Variants in PBX4 observed in about 807,000 individuals in gnomAD.
The protein encoded by PBX4 is PBX homeobox 4.
A neutral mutation model predicts 35.1 loss-of-function variants in PBX4; 26 were observed. The ratio of observed to expected loss-of-function variants is 0.74; its 90% CI spans 0.54 to 1.03. The LOEUF (loss-of-function observed/expected upper bound fraction) is 1.03, where lower values mean the gene tolerates loss of function less well. Ranked by LOEUF, PBX4 falls within the 50% of genes least tolerant of loss-of-function variation. The probability of loss-of-function intolerance (pLI) is 0.00; values close to 1 mark genes in which losing one functional copy is unlikely to be tolerated. For synonymous variants in PBX4, 199 were observed against 204.2 expected (o/e 0.97, Z 0.22); for missense variants, 448 against 504.3 (o/e 0.89, Z 1.07).
rs372535392 is a variant in PBX4, at chr19:19,570,130, C to T, written c.611G>A (p.Arg204His). 3.6e-5 allele frequency: 58 copies of T among 1,608,766 alleles called. No individual in the cohort carries two copies. Among genetic ancestry groups the T allele is most frequent in the African/African-American group, 5.3e-5 (4 of 74,834 alleles). Residue 204 changes from arginine (R) to histidine (H), a missense_variant, in exon 4 of 8, where the codon CGT (arginine) becomes CAT (histidine). Coordinates refer to ENST00000251203, the MANE Select transcript of PBX4 (RefSeq NM_025245.3). ...TGACCTGGCATCGAGCAGCCGCGAA[C>T]GCAGGGTCATCACTGCCTCACAGGT... is the stretch of plus-strand genomic sequence containing the variant. ...QSTCEAVMTL[R>H]SRLLDARRKR...
At chr19:19,575,407 T>A (rs1600406759) in intron 2 of PBX4, among the ~76,000 whole-genome samples, 1 of 152,086 alleles carries the variant, frequency 6.6e-6, no homozygotes, top group Non-Finnish European at 1.5e-5. Context: ...GACAGCCAGG[T>A]AAAGGCCGCT....
chr19:19,576,061 C>A (rs956063528), intron 2 of PBX4, among the ~76,000 whole-genome samples: 2 of 151,742 alleles, frequency 1.3e-5, no homozygotes, highest in Non-Finnish European at 2.9e-5. Flanking sequence ...TGCAGGGCTG[C>A]CGCAGAATAT....
chr19:19,588,407 G>A (rs2061504227), intron 2 of PBX4: 7 of 1,340,590 alleles, frequency 5.2e-6, no homozygotes, highest in Non-Finnish European at 6.4e-6. Flanking sequence ...TCAGGATGAT[G>A]TTTAGCCATA....
At chr19:19,609,548 T>TA (rs2061651066) in intron 1 of PBX4, among the ~76,000 whole-genome samples, 6 of 54,384 alleles carry the variant, frequency 1.1e-4, no homozygotes, top group South Asian at 5.8e-4. Flanking sequence ...AAAATCCATA[T>TA]GAAAAAAAAA....
At chr19:19,573,950 G>A (rs12977565) in intron 2 of PBX4, among the ~76,000 whole-genome samples, 61 of 152,198 alleles carry the variant, frequency 4.0e-4, no homozygotes, top group Non-Finnish European at 7.6e-4. Context: ...GGCTAATCTC[G>A]AATTCCTGAC....
intron 2 of PBX4, among the ~76,000 whole-genome samples, chr19:19,578,509 G>A (rs2061434685): frequency 6.6e-6 from 1 of 152,148 alleles, no homozygotes; most frequent in Non-Finnish European, 1.5e-5. Context: ...GCCCTTGACT[G>A]GCAGGCAGGG....
intron 1 of PBX4, among the ~76,000 whole-genome samples, chr19:19,610,702 C>T (rs909519383): frequency 1.3e-5 from 2 of 152,014 alleles, no homozygotes; most frequent in African/African-American, 4.8e-5. Context: ...TTGCAGTGAG[C>T]CGAGATTACG....
chr19:19,573,682 A>C (rs2061401293), intron 2 of PBX4, among the ~76,000 whole-genome samples: 2 of 152,170 alleles, frequency 1.3e-5, no homozygotes, highest in South Asian at 4.1e-4. Context: ...TGGTTAAGTA[A>C]ATTATGATAG....
At chr19:19,614,224 T>C (rs1283387308) in intron 1 of PBX4, among the ~76,000 whole-genome samples, 1 of 151,816 alleles carries the variant, frequency 6.6e-6, no homozygotes, top group Non-Finnish European at 1.5e-5. Context: ...CCCAGCTACT[T>C]GGGAGACTGA....
chr19:19,569,353 T>TTTTAACAAA, intron 5 of PBX4, 96 bp downstream of exon 5: 5 of 1,472,814 alleles, frequency 3.4e-6, no homozygotes, highest in Non-Finnish European at 4.5e-6. Flanking sequence ...ATGCCTGGCC[T>TTTTAACAAA]CTGCACACAT....
chr19:19,564,167 A>C (rs2061326632), intron 6 of PBX4, among the ~76,000 whole-genome samples: 1 of 114,618 alleles, frequency 8.7e-6, no homozygotes, highest in African/African-American at 3.5e-5. Context: ...AACAGTCCCC[A>C]GAGTGTGATA....
At chr19:19,588,048 G>A in intron 2 of PBX4, 1 of 652,156 alleles carries the variant, frequency 1.5e-6, no homozygotes, top group Admixed American at 2.2e-5. Flanking sequence ...AGCTGCAGCA[G>A]CTTGATGTGG....
In PBX4 at chr19:19,618,687, T is replaced by C; in HGVS notation, c.-58A>G. The C allele has an allele frequency of 1.7e-6, 2 of 1,173,532 alleles. No individual in the cohort carries two copies. The highest frequency in any genetic ancestry group is 4.2e-5 in the South Asian group (1 of 23,864). The allele number at this position is 1,173,532 out of a possible 1,614,324, so 72.7% of individuals were successfully genotyped here. On this transcript the variant is annotated 5_prime_UTR_variant, in exon 1 of 8. Transcript: ENST00000251203. ...GCCGTCGAGCCTGGAGCACTACCAC[T>C]GGCGCCGCAGCCAACCGCCGCTGCC...
intron 1 of PBX4, among the ~76,000 whole-genome samples, chr19:19,613,340 C>T (rs902057253): frequency 1.5e-4 from 22 of 150,428 alleles, no homozygotes; most frequent in Non-Finnish European, 2.5e-4. Context: ...TGGTGGCAGG[C>T]GCCTGTAATC....
chr19:19,585,662 G>A (rs554347699), intron 2 of PBX4, among the ~76,000 whole-genome samples: 8 of 152,328 alleles, frequency 5.3e-5, no homozygotes, highest in Admixed American at 2.0e-4. Flanking sequence ...CTTAACTGAT[G>A]ACATTCCACC....
At chr19:19,575,348 T>A (rs1313565176) in intron 2 of PBX4, among the ~76,000 whole-genome samples, 1 of 151,454 alleles carries the variant, frequency 6.6e-6, no homozygotes, top group Non-Finnish European at 1.5e-5. Flanking sequence ...GTGCCTACAA[T>A]CTGGGCCTTA....
intron 2 of PBX4, among the ~76,000 whole-genome samples, chr19:19,576,990 G>A (rs1052800772): frequency 6.6e-6 from 1 of 152,114 alleles, no homozygotes; most frequent in African/African-American, 2.4e-5. Context: ...TACAGTGAGA[G>A]GCTGAGGCGG....
intron 2 of PBX4, among the ~76,000 whole-genome samples, chr19:19,580,847 C>T (rs2061449529): frequency 6.6e-6 from 1 of 152,248 alleles, no homozygotes; most frequent in Non-Finnish European, 1.5e-5. Context: ...ATCCTCCCGC[C>T]TCAGCCTCCT....
chr19:19,593,916 A>G (rs1380064728), intron 2 of PBX4, among the ~76,000 whole-genome samples: 4 of 150,748 alleles, frequency 2.7e-5, no homozygotes, highest in Non-Finnish European at 5.9e-5. Flanking sequence ...ACTTGAGCTC[A>G]GGAGTTCAAG....
Sources: gnomAD v4.1 joint callset for allele counts (sites outside exome capture counted in the v4.1 genomes callset) on GRCh38, gnomAD v4.1.1 for gene constraint, MANE v1.5 for transcripts, NCBI Gene and HGNC (gene_info 2026-07-23, HGNC 2026-07-21) for gene names.